The following ITSN1 variants were observed in gnomAD, a reference collection of about 807,000 sequenced individuals.
The protein encoded by ITSN1 is intersectin 1.
A neutral mutation model predicts 239.8 loss-of-function variants in ITSN1; 58 were observed. The ratio of observed to expected loss-of-function variants is 0.24; its 90% confidence interval spans 0.20 to 0.30. The LOEUF is 0.30. ITSN1 is among the 10% of genes least tolerant of loss of function. ITSN1 has a pLI of 1.00. For missense variants in ITSN1, 1,558 were observed against 2,103.3 expected, an observed-to-expected ratio of 0.74 and a Z score of 5.07; for synonymous variants, 780 against 770.8, an observed-to-expected ratio of 1.01 and a Z score of -0.20.
intron 29 of ITSN1, among the ~76,000 whole-genome samples, chr21:33,856,311 T>A (rs1219184717): frequency 6.6e-6 from 1 of 152,138 alleles, no homozygotes; most frequent in Non-Finnish European, 1.5e-5. Flanking sequence ...CTTAAAACAA[T>A]AAGAATTTAT....
At chr21:33,839,029 G>A (rs1223061183) in intron 29 of ITSN1, among the ~76,000 whole-genome samples, 1 of 152,160 alleles carries the variant, frequency 6.6e-6, no homozygotes, top group Non-Finnish European at 1.5e-5. Flanking sequence ...CCATCCTCAT[G>A]AGCTTCACTT....
rs1371193136 is a variant in ITSN1 at position 33,888,346 on chromosome 21, C to T, written c.*46C>T. On this transcript the variant is annotated 3_prime_UTR_variant, in exon 40 of 40. Transcript: ENST00000381318. The stretch of plus-strand genomic sequence containing the variant: ...TCAGCAGGGTCCCAGCCCACGGCCA[C>T]ACATGCTGTCTGGAAATTGTATTCC... 1 of 1,545,240 alleles carries T rather than the reference C, an allele frequency of 6.5e-7. No homozygotes were observed.
At chr21:33,643,785 C>G (rs2087673154) in intron 1 of ITSN1, 1 of 152,164 alleles carries the variant, frequency 6.6e-6, no homozygotes, top group South Asian at 2.1e-4. Flanking sequence ...TCTTGCTGCT[C>G]CTCTTGATCA....
intron 28 of ITSN1, among the ~76,000 whole-genome samples, chr21:33,834,805 A>C (rs2074505899): frequency 6.6e-6 from 1 of 151,184 alleles, no homozygotes; most frequent in Non-Finnish European, 1.5e-5. Flanking sequence ...GTAGGTCATG[A>C]GATGGAGCTG....
intron 22 of ITSN1, among the ~76,000 whole-genome samples, chr21:33,816,365 T>G (rs2073268846): frequency 6.6e-6 from 1 of 152,218 alleles, no homozygotes; most frequent in East Asian, 1.9e-4. Flanking sequence ...TGGATCTTAC[T>G]AAACTTCCTT....
chr21:33,781,602 A>G (rs1476470958), intron 15 of ITSN1, 54 bp downstream of exon 15: 5 of 1,024,394 alleles, frequency 4.9e-6, no homozygotes, highest in Non-Finnish European at 7.3e-6. Context: ...TTTTTTTGAC[A>G]TGGAGTCTCA....
intron 1 of ITSN1, among the ~76,000 whole-genome samples, chr21:33,690,260 A>G (rs773974515): frequency 6.6e-6 from 1 of 151,582 alleles, no homozygotes; most frequent in Admixed American, 6.6e-5. Context: ...CCTGGGTGAT[A>G]GAGCAAGACT....
intron 8 of ITSN1, among the ~76,000 whole-genome samples, chr21:33,758,614 A>G (rs1284260459): frequency 6.6e-6 from 1 of 152,220 alleles, no homozygotes; most frequent in Non-Finnish European, 1.5e-5. Context: ...TCCTGTTAAT[A>G]ATGCTAGCCC....
Position 33,875,390 on chromosome 21 carries a change from A to G in ITSN1, c.4210A>G (p.Ser1404Gly), listed in dbSNP as rs1910131563. 4 of 1,614,032 alleles carry G rather than the reference A, an allele frequency of 2.5e-6. No homozygotes were observed. The highest frequency in any genetic ancestry group is 3.4e-6 in the Non-Finnish European group (4 of 1,179,984). ...ENTPENHPDH[S>G]HLKHALEKAE... ...CACCCCTGAAAACCACCCGGACCAC[A>G]GCCACTTGAAGCACGCCCTGGAGAA... The change falls in exon 34 of 40, where the codon AGC becomes GGC. Residue 1404 changes from serine (S) to glycine (G), a missense_variant. Physicochemically the swap from Ser to Gly is moderately conservative, Grantham distance 56. Transcript: ENST00000381318.
chr21:33,790,517 T>C (rs1428269622), intron 16 of ITSN1, among the ~76,000 whole-genome samples: 2 of 152,108 alleles, frequency 1.3e-5, no homozygotes, highest in Admixed American at 6.6e-5. Context: ...TCAACAAAGT[T>C]GTACACTCCG....
chr21:33,751,964 A>G, intron 7 of ITSN1, 58 bp downstream of exon 7: 1 of 1,111,830 alleles, frequency 9.0e-7, no homozygotes, highest in Non-Finnish European at 1.4e-6. Context: ...TGATTAAATC[A>G]TAAATTTGAC....
chr21:33,800,463 A>G (rs1376589438), intron 19 of ITSN1, among the ~76,000 whole-genome samples: 1 of 152,140 alleles, frequency 6.6e-6, no homozygotes, highest in Non-Finnish European at 1.5e-5. Flanking sequence ...CATAATTGCA[A>G]TAACTTTTGT....
Position 33,888,317 on chromosome 21 carries a change from G to A in ITSN1, c.*17G>A, listed in dbSNP as rs766518721. On this transcript the variant is annotated 3_prime_UTR_variant, in exon 40 of 40. Coordinates refer to ENST00000381318, the MANE Select transcript of ITSN1 (RefSeq NM_003024.3). Reference sequence around the variant, plus strand: ...GAGCCGTAGGCAGCGGGCTCAGGGTGTGCTCAGCAGGGTCCCAGCCCACGG... The same window carrying A: ...GAGCCGTAGGCAGCGGGCTCAGGGTATGCTCAGCAGGGTCCCAGCCCACGG... The A allele has an allele frequency of 3.7e-6, 6 of 1,602,902 alleles. No homozygotes were observed. The highest frequency in any genetic ancestry group is 5.1e-6 in the Non-Finnish European group (6 of 1,173,694).
In ITSN1 at chr21:33,778,002, A is replaced by G. The variant is rs371808469; in HGVS notation, c.1596+2894A>G. Among the ~76,000 whole-genome samples, 38 of 152,284 alleles carry G rather than the reference A, an allele frequency of 2.5e-4. No individual in the cohort carries two copies. The South Asian group carries it at 7.5e-3, about 30-fold the overall frequency. On this transcript the variant is annotated intron_variant, in intron 14 of 39. Coordinates refer to ENST00000381318, the MANE Select transcript of ITSN1 (RefSeq NM_003024.3). ...TGATGAATGGGTGTTGAAATAGATCATATGTTTTTTCCCCGCATCTATTGA... is the reference window on the plus strand; with the variant it reads ...TGATGAATGGGTGTTGAAATAGATCGTATGTTTTTTCCCCGCATCTATTGA...
chr21:33,826,757 T>C, intron 25 of ITSN1, 61 bp from the exon 26 acceptor site: 1 of 1,505,180 alleles, frequency 6.6e-7, no homozygotes. Context: ...TCATTAATCG[T>C]TTTTAAAGTT....
chr21:33,788,442 CCAGT>C (rs2147958565), intron 16 of ITSN1, among the ~76,000 whole-genome samples: 1 of 152,290 alleles, frequency 6.6e-6, no homozygotes, highest in South Asian at 2.1e-4. Context: ...ATTTAAATAA[CCAGT>C]CAGGCCAGGT....
intron 8 of ITSN1, among the ~76,000 whole-genome samples, chr21:33,758,860 C>T (rs549983848): frequency 2.4e-4 from 36 of 152,290 alleles, no homozygotes; most frequent in African/African-American, 6.0e-4. Context: ...TAAGCCAGTA[C>T]TCCAAAACCG....
At chr21:33,845,711 A>G (rs913302935) in intron 29 of ITSN1, among the ~76,000 whole-genome samples, 1 of 152,180 alleles carries the variant, frequency 6.6e-6, no homozygotes, top group Non-Finnish European at 1.5e-5. Flanking sequence ...GAGCTGCTCT[A>G]CAGGAGCCTG....
At chr21:33,719,658 G>GT (rs899462717) in intron 2 of ITSN1, among the ~76,000 whole-genome samples, 4 of 152,074 alleles carry the variant, frequency 2.6e-5, no homozygotes, top group African/African-American at 9.6e-5. Flanking sequence ...CCACTCCTCT[G>GT]TTTTTTTATC....
Sources: allele counts gnomAD v4.1 joint callset (sites outside exome capture counted in the v4.1 genomes callset), GRCh38; gene constraint gnomAD v4.1.1; transcripts MANE v1.5; gene names NCBI Gene and HGNC (gene_info 2026-07-23, HGNC 2026-07-21).